The following DHRSX variants were observed in gnomAD, a reference collection of about 807,000 sequenced individuals.
DHRSX encodes dehydrogenase/reductase X-linked, also known as polyprenol dehydrogenase.
A neutral mutation model predicts 34.0 loss-of-function variants in DHRSX; 31 were observed. The observed-to-expected ratio is 0.91, with a 90% confidence interval of 0.69 to 1.23. The LOEUF is 1.23. DHRSX is among the 50% of genes most tolerant of loss of function. The pLI is 0.00. For synonymous variants in DHRSX, 201 were observed against 183.8 expected, an observed-to-expected ratio of 1.09 and a Z score of -0.76; for missense variants, 414 against 428.1, an observed-to-expected ratio of 0.97 and a Z score of 0.29.
chrX:2,338,791 C>G (rs1222307987), intron 3 of DHRSX, among the ~76,000 whole-genome samples: 4 of 152,022 alleles, frequency 2.6e-5, no homozygotes, highest in Non-Finnish European at 5.9e-5. Flanking sequence ...CCTCTTTCCT[C>G]TATAAATTAT....
rs188785866 is a variant in DHRSX, at chrX:2,368,048, G to A, written c.286+40697C>T. 3.3e-5 allele frequency among the ~76,000 whole-genome samples: 5 copies of A among 152,054 alleles called. No individual in the cohort carries two copies. The East Asian group carries it at 7.7e-4, about 23-fold the overall frequency. The stretch of plus-strand genomic sequence containing the variant: ...ACTTGAGGTCAGGAGTTCAAGACCA[G>A]CCTGGCCAACATGTCAAAACCCCAT... On this transcript the variant is annotated intron_variant, in intron 3 of 6. Coordinates refer to ENST00000334651, the MANE Select transcript of DHRSX (RefSeq NM_145177.3).
At chrX:2,259,375 G>GATATATAGAT (rs1556439577) in intron 5 of DHRSX, among the ~76,000 whole-genome samples, 20 of 133,830 alleles carry the variant, frequency 1.5e-4, no homozygotes, top group Non-Finnish European at 3.0e-4. Context: ...GATATATATA[G>GATATATAGAT]ATATATATAT....
At chrX:2,267,976 G>C (rs1280540604) in intron 4 of DHRSX, among the ~76,000 whole-genome samples, 1 of 152,074 alleles carries the variant, frequency 6.6e-6, no homozygotes, top group Admixed American at 6.6e-5. Flanking sequence ...AGCTGCTATG[G>C]CACCCCCTCT....
At chrX:2,423,851 T>G (rs1388689708) in intron 2 of DHRSX, among the ~76,000 whole-genome samples, 1 of 151,954 alleles carries the variant, frequency 6.6e-6, no homozygotes, top group Non-Finnish European at 1.5e-5. Flanking sequence ...GAGTCAGAGA[T>G]CACGATAAGC....
In DHRSX at chrX:2,366,762, A is replaced by ATT. The variant is rs111658597; in HGVS notation, c.286+41981_286+41982dup. 3.8e-3 allele frequency among the ~76,000 whole-genome samples: 553 copies of ATT among 146,456 alleles called. 5 individuals are homozygous for ATT. The highest frequency in any genetic ancestry group is 0.013 in the African/African-American group (508 of 39,834). ...AAGCATATGCCATCATACCCGGATA[A>ATT]TTTTTTTTTTTTTTCCTGTAGAGAC... On this transcript the variant is annotated intron_variant, in intron 3 of 6. Coordinates refer to ENST00000334651, the MANE Select transcript of DHRSX (RefSeq NM_145177.3).
intron 3 of DHRSX, among the ~76,000 whole-genome samples, chrX:2,320,071 C>T (rs979090890): frequency 3.3e-5 from 5 of 151,792 alleles, no homozygotes; most frequent in African/African-American, 1.2e-4. Context: ...TCAGGTGATC[C>T]ACCCGCCTCG....
chrX:2,246,506 C>T, intron 5 of DHRSX, among the ~76,000 whole-genome samples: 1 of 151,550 alleles, frequency 6.6e-6, no homozygotes, highest in Non-Finnish European at 1.5e-5. Context: ...GCCTGTAGAC[C>T]CAACTACTTG....
chrX:2,365,914 T>C (rs927553189), intron 3 of DHRSX, among the ~76,000 whole-genome samples: 1 of 152,146 alleles, frequency 6.6e-6, no homozygotes, highest in African/African-American at 2.4e-5. Flanking sequence ...TGTATACATA[T>C]GAACTAGTTC....
intron 1 of DHRSX, among the ~76,000 whole-genome samples, chrX:2,448,559 T>C (rs963263010): frequency 1.3e-5 from 2 of 150,158 alleles, no homozygotes; most frequent in Non-Finnish European, 3.0e-5. Flanking sequence ...GTTAATTAGC[T>C]TGATTGTTAA....
intron 4 of DHRSX, among the ~76,000 whole-genome samples, chrX:2,274,457 C>T (rs1478135593): frequency 6.6e-6 from 1 of 151,742 alleles, no homozygotes; most frequent in Non-Finnish European, 1.5e-5. Context: ...CACTCTGTTG[C>T]CCAGGCTGGA....
chrX:2,492,110 T>G (rs2045165653), intron 1 of DHRSX, among the ~76,000 whole-genome samples: 1 of 152,098 alleles, frequency 6.6e-6, no homozygotes, highest in East Asian at 1.9e-4. Context: ...ATGACTATAG[T>G]GGGTTGAAAA....
intron 3 of DHRSX, among the ~76,000 whole-genome samples, chrX:2,317,789 G>A (rs1262474594): frequency 6.6e-6 from 1 of 152,112 alleles, no homozygotes; most frequent in Non-Finnish European, 1.5e-5. Flanking sequence ...TTTTGCATAA[G>A]ACAAAGTCAA....
At chrX:2,247,517 G>C (rs1365209382) in intron 5 of DHRSX, among the ~76,000 whole-genome samples, 1 of 151,652 alleles carries the variant, frequency 6.6e-6, no homozygotes, top group Non-Finnish European at 1.5e-5. Context: ...ACCCGGGCAT[G>C]GTGGCGGGCG....
chrX:2,229,606 ATG>A (rs968010297), intron 6 of DHRSX, among the ~76,000 whole-genome samples: 4 of 151,840 alleles, frequency 2.6e-5, no homozygotes, highest in Non-Finnish European at 5.9e-5. Context: ...ATTTATGTGG[ATG>A]TGTGTGTACT....
At chrX:2,314,261 A>AGGC (rs1268074709) in intron 3 of DHRSX, among the ~76,000 whole-genome samples, 1 of 41,390 alleles carries the variant, frequency 2.4e-5, no homozygotes, top group Non-Finnish European at 4.5e-5. Context: ...GGAAGGAGGG[A>AGGC]ATGAAGGAGG....
intron 1 of DHRSX, among the ~76,000 whole-genome samples, chrX:2,498,807 C>T (rs961843595): frequency 1.5e-4 from 23 of 152,150 alleles, no homozygotes; most frequent in African/African-American, 5.6e-4. Flanking sequence ...TAAACATAAT[C>T]TTCTGCGAGA....
chrX:2,246,773 G>GA (rs1273559526), intron 5 of DHRSX, among the ~76,000 whole-genome samples: 3 of 145,002 alleles, frequency 2.1e-5, no homozygotes, highest in African/African-American at 7.9e-5. Flanking sequence ...TAAAAGAATA[G>GA]AAAATTGAAA....
intron 3 of DHRSX, among the ~76,000 whole-genome samples, chrX:2,353,600 T>TTTTTTTA (rs2042813330): frequency 6.6e-6 from 1 of 151,156 alleles, no homozygotes; most frequent in Non-Finnish European, 1.5e-5. Flanking sequence ...TTTTTTTTTT[T>TTTTTTTA]GAGATGGAGT....
chrX:2,500,651 GC>G (rs1408086925), intron 1 of DHRSX, 165 bp downstream of exon 1: 6 of 100,894 alleles, frequency 5.9e-5, no homozygotes, highest in African/African-American at 2.8e-4. Flanking sequence ...CAGCGCGCAC[GC>G]CGCCCCCCCC....
Sources: gnomAD v4.1 joint callset for allele counts (sites outside exome capture counted in the v4.1 genomes callset) on GRCh38, gnomAD v4.1.1 for gene constraint, MANE v1.5 for transcripts, NCBI Gene and HGNC (gene_info 2026-07-23, HGNC 2026-07-21) for gene names.